Variants in APP observed in about 807,000 individuals in gnomAD.
APP encodes the protein amyloid beta precursor protein.
A neutral mutation model predicts 101.4 loss-of-function variants in APP; 31 were observed. The ratio of observed to expected loss-of-function variants is 0.31; its 90% CI spans 0.23 to 0.41. The LOEUF is 0.41. APP is among the 10% of genes least tolerant of loss of function. The pLI, the probability that APP is intolerant of heterozygous loss-of-function variation, is 1.00. For missense variants in APP, 839 were observed against 1,003.7 expected, an observed-to-expected ratio of 0.84 and a Z score of 2.22; for synonymous variants, 366 against 364.4, an observed-to-expected ratio of 1.00 and a Z score of -0.05.
At chr21:26,071,358 C>T (rs993468746) in intron 3 of APP, among the ~76,000 whole-genome samples, 2 of 152,106 alleles carry the variant, frequency 1.3e-5, no homozygotes, top group Non-Finnish European at 2.9e-5. Context: ...TTCAGTTTCC[C>T]TCTCCAGGGA....
At chr21:26,043,740 G>C (rs1345776701) in intron 5 of APP, among the ~76,000 whole-genome samples, 2 of 152,164 alleles carry the variant, frequency 1.3e-5, no homozygotes, top group Admixed American at 6.5e-5. Context: ...TAAATTCTTG[G>C]TAAGTAGGAT....
rs148811805 is a variant in APP, at chr21:26,113,540, A to G, written c.58-1394T>C. ...AGCTGCTGGCAAAATCTCTAGAGCC[A>G]TGTTTTCAAGTAACTTTTCCAATAT... On this transcript the variant is annotated intron_variant, in intron 1 of 17. Coordinates refer to ENST00000346798, the MANE Select transcript of APP (RefSeq NM_000484.4). Among the ~76,000 whole-genome samples the G allele has an allele frequency of 4.7e-3, 719 of 152,358 alleles. 6 individuals are homozygous for G. Among genetic ancestry groups the G allele is most frequent in the Non-Finnish European group, 8.0e-3 (543 of 68,024 alleles).
At chr21:25,929,668 G>A (rs534671697) in intron 13 of APP, among the ~76,000 whole-genome samples, 94 of 152,196 alleles carry the variant, frequency 6.2e-4, no homozygotes, top group African/African-American at 2.0e-3. Flanking sequence ...GGTTTGCTAC[G>A]TCTATAACAG....
At chr21:26,115,352 T>C (rs1337309637) in intron 1 of APP, among the ~76,000 whole-genome samples, 1 of 152,200 alleles carries the variant, frequency 6.6e-6, no homozygotes, top group African/African-American at 2.4e-5. Flanking sequence ...CAGATGTGTA[T>C]ATGGAAATCA....
At chr21:26,105,666 A>AT (rs1244208553) in intron 2 of APP, among the ~76,000 whole-genome samples, 1 of 152,208 alleles carries the variant, frequency 6.6e-6, no homozygotes, top group Non-Finnish European at 1.5e-5. Flanking sequence ...AGATCCTGAA[A>AT]TATCTATAAA....
At chr21:25,928,445 AAC>A (rs922059830) in intron 13 of APP, among the ~76,000 whole-genome samples, 7 of 151,786 alleles carry the variant, frequency 4.6e-5, no homozygotes, top group South Asian at 2.2e-4. Flanking sequence ...CACACACACA[AAC>A]ACACACACAC....
At chr21:26,100,039 T>C (rs1351815073) in intron 2 of APP, among the ~76,000 whole-genome samples, 1 of 152,160 alleles carries the variant, frequency 6.6e-6, no homozygotes, top group East Asian at 1.9e-4. Flanking sequence ...TTTCAAAGTG[T>C]TGAATGAAAA....
intron 13 of APP, among the ~76,000 whole-genome samples, chr21:25,917,253 T>A (rs1047281801): frequency 2.2e-5 from 3 of 137,102 alleles, no homozygotes; most frequent in African/African-American, 8.6e-5. Context: ...CGAGTAAGAC[T>A]CTGTCTCCAA....
intron 9 of APP, among the ~76,000 whole-genome samples, chr21:25,978,449 A>G (rs920231911): frequency 6.6e-6 from 1 of 152,202 alleles, no homozygotes; most frequent in Admixed American, 6.5e-5. Context: ...TTTACGAACC[A>G]GGTTAAGGTA....
At position 25,988,702 on chromosome 21, in the gene APP, C is replaced by CAAAAAAAAAAAAAAAAA. The variant is rs537417600; in HGVS notation, c.1091-6242_1091-6226dup. On this transcript the variant is annotated intron_variant, in intron 8 of 17. Transcript: ENST00000346798. Reference sequence around the variant, plus strand: ...GGGTGATAACAGCGAAACTCTGTCTCAAAAAAAAAAAAAAAAAAAAAGGAG... The same window carrying CAAAAAAAAAAAAAAAAA: ...GGGTGATAACAGCGAAACTCTGTCTCAAAAAAAAAAAAAAAAAAAAAAAAAAAAAAAAAAAAAAGGAG... 1.8e-3 allele frequency among the ~76,000 whole-genome samples: 110 copies of CAAAAAAAAAAAAAAAAA among 62,338 alleles called. 3 individuals carry two copies. The highest frequency in any genetic ancestry group is 6.4e-3 in the African/African-American group (100 of 15,568). 40.9% of individuals were successfully genotyped at this position (62,338 alleles called of 152,430 possible).
intron 2 of APP, among the ~76,000 whole-genome samples, chr21:26,101,914 C>T (rs1409731012): frequency 5.9e-5 from 9 of 151,914 alleles, no homozygotes; most frequent in Admixed American, 5.2e-4. Context: ...AATGGTATCC[C>T]GCCACTCAGC....
chr21:26,076,325 T>A (rs1438354699), intron 3 of APP, among the ~76,000 whole-genome samples: 1 of 152,166 alleles, frequency 6.6e-6, no homozygotes, highest in Non-Finnish European at 1.5e-5. Flanking sequence ...CCCTACCTCC[T>A]ATGCTCACAA....
intron 1 of APP, among the ~76,000 whole-genome samples, chr21:26,122,928 A>G (rs917086302): frequency 3.3e-5 from 5 of 152,306 alleles, no homozygotes; most frequent in African/African-American, 1.2e-4. Flanking sequence ...TGTCTCTCAT[A>G]TGTACACATC....
intron 3 of APP, among the ~76,000 whole-genome samples, chr21:26,079,501 C>G (rs1039363262): frequency 2.6e-5 from 4 of 152,176 alleles, no homozygotes; most frequent in Non-Finnish European, 1.5e-5. Context: ...ACCACCAGAT[C>G]AGACATAACA....
chr21:25,988,702 C>CAAAAAAA (rs537417600), intron 8 of APP, among the ~76,000 whole-genome samples: 16 of 62,362 alleles, frequency 2.6e-4, no homozygotes, highest in Admixed American at 5.2e-4. Context: ...AACTCTGTCT[C>CAAAAAAA]AAAAAAAAAA....
chr21:26,025,253 T>A (rs928040713), intron 5 of APP, among the ~76,000 whole-genome samples: 3 of 152,202 alleles, frequency 2.0e-5, no homozygotes, highest in Non-Finnish European at 4.4e-5. Flanking sequence ...GTATTACTGG[T>A]GAATCAAAGA....
intron 1 of APP, among the ~76,000 whole-genome samples, chr21:26,167,444 C>A (rs968883097): frequency 1.3e-5 from 2 of 152,178 alleles, no homozygotes; most frequent in Non-Finnish European, 2.9e-5. Context: ...TTTGCAGAAA[C>A]AATGTACATT....
At chr21:26,167,858 T>C (rs1402467309) in intron 1 of APP, among the ~76,000 whole-genome samples, 1 of 152,226 alleles carries the variant, frequency 6.6e-6, no homozygotes, top group Non-Finnish European at 1.5e-5. Context: ...GAAAAGCTTC[T>C]GCAGTCTGCC....
intron 13 of APP, among the ~76,000 whole-genome samples, chr21:25,930,586 T>TTATATATATATA (rs34986093): frequency 1.3e-5 from 2 of 150,058 alleles, no homozygotes; most frequent in African/African-American, 2.5e-5. Flanking sequence ...ATAGCACAAA[T>TTATATATATATA]TATATATATA....
Sources: allele counts gnomAD v4.1 joint callset (sites outside exome capture counted in the v4.1 genomes callset), GRCh38; gene constraint gnomAD v4.1.1; transcripts MANE v1.5; gene names NCBI Gene and HGNC (gene_info 2026-07-23, HGNC 2026-07-21).